The following SAMHD1 variants were observed in gnomAD, a reference collection of about 807,000 sequenced individuals.
SAMHD1 encodes the protein deoxynucleoside triphosphate triphosphohydrolase SAMHD1.
A neutral mutation model predicts 79.6 loss-of-function variants in SAMHD1; 54 were observed. The ratio of observed to expected loss-of-function variants is 0.68; its 90% CI spans 0.55 to 0.85. The LOEUF is 0.85. SAMHD1 is among the 40% of genes least tolerant of loss of function. The pLI, the probability that SAMHD1 is intolerant of heterozygous loss-of-function variation, is 0.00. For missense variants in SAMHD1, 663 were observed against 782.7 expected (o/e 0.85, Z 1.82); for synonymous variants, 260 against 264.1 (o/e 0.98, Z 0.15).
intron 1 of SAMHD1, among the ~76,000 whole-genome samples, chr20:36,951,041 G>A (rs550616206): frequency 9.8e-5 from 15 of 152,350 alleles, no homozygotes; most frequent in African/African-American, 3.1e-4. Flanking sequence ...AGTCTCGCTT[G>A]TCCCGCGCCG....
chr20:36,943,905 C>A (rs929830920), intron 2 of SAMHD1, among the ~76,000 whole-genome samples: 7 of 151,742 alleles, frequency 4.6e-5, no homozygotes, highest in African/African-American at 1.7e-4. Context: ...TAGTGAAACC[C>A]TGTCTCTACT....
At chr20:36,940,930 T>TTC in intron 3 of SAMHD1, 109 bp downstream of exon 3, 1 of 808,910 alleles carries the variant, frequency 1.2e-6, no homozygotes, top group Non-Finnish European at 2.1e-6. Flanking sequence ...CTACTCACAA[T>TTC]TCTATCACTG....
chr20:36,928,460 G>A (rs2063549370), intron 5 of SAMHD1, among the ~76,000 whole-genome samples: 1 of 152,128 alleles, frequency 6.6e-6, no homozygotes. Flanking sequence ...GCCGAGGCGG[G>A]TAGATCACGA....
intron 3 of SAMHD1, among the ~76,000 whole-genome samples, chr20:36,937,145 A>G (rs1055676076): frequency 3.3e-5 from 5 of 151,516 alleles, no homozygotes; most frequent in Non-Finnish European, 5.9e-5. Flanking sequence ...TATCTCAAAA[A>G]AAAAAAAAAA....
intron 5 of SAMHD1, among the ~76,000 whole-genome samples, chr20:36,927,824 G>GT (rs991122196): frequency 3.3e-5 from 5 of 152,064 alleles, no homozygotes; most frequent in African/African-American, 1.2e-4. Context: ...AGTTTTTGTT[G>GT]TTTTTTGAAG....
At position 36,951,467 on chromosome 20, in the gene SAMHD1, A is replaced by G. The variant is rs769638488; in HGVS notation, c.177T>C (p.Phe59=). The change falls in exon 1 of 16, where the codon TTT becomes TTC. Residue 59 remains phenylalanine, a synonymous_variant. Transcript: ENST00000646673. ...TGTTCTTCAGCAGCACCGGCTCTTCAAAGCCACCGCGCCTGAGGAAGGAGC... is the reference window on the plus strand; with the variant it reads ...TGTTCTTCAGCAGCACCGGCTCTTCGAAGCCACCGCGCCTGAGGAAGGAGC... ...QVCSFLRRGG[F]EEPVLLKNIR... 1 of 1,614,026 alleles carries G rather than the reference A, an allele frequency of 6.2e-7. No individual in the cohort carries two copies. The highest frequency in any genetic ancestry group is 2.2e-5 in the East Asian group (1 of 44,858).
chr20:36,940,835 T>C (rs1404185695), intron 3 of SAMHD1: 5 of 599,500 alleles, frequency 8.3e-6, no homozygotes, highest in Non-Finnish European at 1.5e-5. Flanking sequence ...TGCTTTTCTG[T>C]ATGCTTAAAC....
At chr20:36,942,357 G>A (rs1268728403) in intron 2 of SAMHD1, among the ~76,000 whole-genome samples, 1 of 152,134 alleles carries the variant, frequency 6.6e-6, no homozygotes, top group Admixed American at 6.6e-5. Context: ...GGCGGAGATT[G>A]CGGTGAGCCG....
chr20:36,928,609 C>A (rs563817362), intron 5 of SAMHD1, among the ~76,000 whole-genome samples: 1 of 148,956 alleles, frequency 6.7e-6, no homozygotes, highest in Non-Finnish European at 1.5e-5. Context: ...CGCTTGAACC[C>A]GGGAGGCGGA....
chr20:36,915,883 G>A (rs556244224), intron 9 of SAMHD1, among the ~76,000 whole-genome samples: 1 of 152,252 alleles, frequency 6.6e-6, no homozygotes, highest in Admixed American at 6.5e-5. Context: ...CTCTGGGCCA[G>A]GCACCTTGGC....
chr20:36,934,343 G>A (rs939166064), intron 4 of SAMHD1, among the ~76,000 whole-genome samples: 1 of 151,502 alleles, frequency 6.6e-6, no homozygotes, highest in Non-Finnish European at 1.5e-5. Context: ...GGCCAAGATG[G>A]TGAAACCCCG....
chr20:36,919,203 A>C (rs1253867533), intron 7 of SAMHD1, among the ~76,000 whole-genome samples, 161 bp downstream of exon 7: 1 of 152,230 alleles, frequency 6.6e-6, no homozygotes, highest in Admixed American at 6.5e-5. Flanking sequence ...GAGGTAGAAA[A>C]AAATATAAGC....
chr20:36,949,294 T>A (rs6030369), intron 1 of SAMHD1, among the ~76,000 whole-genome samples: 115,937 of 151,424 alleles, frequency 0.77, 45,168 homozygotes, highest in East Asian at 0.96. Context: ...AAATAAATTT[T>A]AAAAAATAAT....
At chr20:36,946,343 G>A in intron 2 of SAMHD1, 1 of 169,086 alleles carries the variant, frequency 5.9e-6, no homozygotes. Flanking sequence ...AACCCGGGAG[G>A]CGGAGCTTGC....
At position 36,891,191 on chromosome 20, in the gene SAMHD1, T is replaced by C. The variant is rs1227044346; in HGVS notation, c.*1741A>G. 1.3e-5 allele frequency: 2 copies of C among 152,244 alleles called. No individual in the cohort carries two copies. Among genetic ancestry groups the C allele is most frequent in the African/African-American group, 4.8e-5 (2 of 41,460 alleles). 9.4% of individuals were successfully genotyped at this position (152,244 alleles called of 1,614,324 possible). On this transcript the variant is annotated 3_prime_UTR_variant, in exon 16 of 16. Transcript: ENST00000646673. The stretch of plus-strand genomic sequence containing the variant: ...GAGAAGTGTTTTAACTATTCTCTTA[T>C]GAATTGTAACCAACCCTTATTATCT...
At position 36,898,652 on chromosome 20, in the gene SAMHD1, G is replaced by T. The variant is rs538267808; in HGVS notation, c.1504-108C>A. On this transcript the variant is annotated intron_variant, in intron 13 of 15. Coordinates refer to ENST00000646673, the MANE Select transcript of SAMHD1 (RefSeq NM_015474.4). Reference sequence around the variant, plus strand: ...ACAGAGGCCGGGCGCAGTAGCTCATGCCTATAATCCCAGCACTTTGGGAGG... The same window carrying T: ...ACAGAGGCCGGGCGCAGTAGCTCATTCCTATAATCCCAGCACTTTGGGAGG... 23 of 840,306 alleles carry T rather than the reference G, an allele frequency of 2.7e-5. No individual in the cohort carries two copies. In the East Asian group the frequency reaches 6.1e-4, roughly 22 times the overall value. 52.1% of individuals were successfully genotyped at this position (840,306 alleles called of 1,614,324 possible). A position where few individuals can be genotyped will look rare whatever the true frequency, so the allele number is the denominator to read the frequency against.
In SAMHD1 at chr20:36,892,828, C is replaced by A. The variant is rs570535296; in HGVS notation, c.*104G>T. On this transcript the variant is annotated 3_prime_UTR_variant, in exon 16 of 16. Coordinates refer to ENST00000646673, the MANE Select transcript of SAMHD1 (RefSeq NM_015474.4). ...TCAGCATGCGTGTACATTCAAAATA[C>A]AAAATTAAAGCATGAGTTGTCATTA... The A allele has an allele frequency of 2.7e-6, 4 of 1,469,142 alleles. No homozygotes were observed. Among genetic ancestry groups the A allele is most frequent in the South Asian group, 1.1e-5 (1 of 87,918 alleles). 91.0% of individuals were successfully genotyped at this position (1,469,142 alleles called of 1,614,324 possible). A position where few individuals can be genotyped will look rare whatever the true frequency, so the allele number is the denominator to read the frequency against.
At chr20:36,923,659 CAAAT>C (rs907281244) in intron 6 of SAMHD1, among the ~76,000 whole-genome samples, 2 of 152,028 alleles carry the variant, frequency 1.3e-5, no homozygotes, top group Non-Finnish European at 2.9e-5. Context: ...TCCATCTCTA[CAAAT>C]AAATACCCAG....
At position 36,893,029 on chromosome 20, in the gene SAMHD1, T is replaced by C. The variant is rs954400529; in HGVS notation, c.1784A>G (p.Lys595Arg). 1 of 1,614,012 alleles carries C rather than the reference T, an allele frequency of 6.2e-7. No individual in the cohort carries two copies. Among genetic ancestry groups the C allele is most frequent in the South Asian group, 1.1e-5 (1 of 91,074 alleles). The change falls in exon 16 of 16, where the codon AAA (lysine) becomes AGA (arginine). Residue 595 changes from lysine to arginine, a missense_variant. Lys to Arg is a conservative substitution (Grantham distance 26). Coordinates refer to ENST00000646673, the MANE Select transcript of SAMHD1 (RefSeq NM_015474.4). ...TGAAGTACTGTCGTTCCATTCCTTT[T>C]TTTGAGGTGTTATGAGTGGGGCTAT... ...DVIAPLITPQ[K>R]KEWNDSTSVQ...
Sources: gnomAD v4.1 joint callset for allele counts (sites outside exome capture counted in the v4.1 genomes callset) on GRCh38, gnomAD v4.1.1 for gene constraint, MANE v1.5 for transcripts, NCBI Gene and HGNC (gene_info 2026-07-23, HGNC 2026-07-21) for gene names.